The following CSMD1 variants were observed in gnomAD, a reference collection of about 807,000 sequenced individuals.
CSMD1 encodes CUB and Sushi multiple domains 1.
A neutral mutation model predicts 417.5 loss-of-function variants in CSMD1; 213 were observed. The observed-to-expected ratio is 0.51, with a 90% CI of 0.46 to 0.57. The LOEUF (loss-of-function observed/expected upper bound fraction) is 0.57. Ranked by LOEUF, CSMD1 falls within the 20% of genes least tolerant of loss-of-function variation. The pLI is 0.00. For missense variants in CSMD1, 6,923 were observed against 4,529.7 expected (o/e 1.53, Z -15.17); for synonymous variants, 2,862 against 1,736.8 (o/e 1.65, Z -16.11).
intron 2 of CSMD1, among the ~76,000 whole-genome samples, chr8:4,437,181 C>G (rs1259289758): frequency 1.3e-5 from 2 of 152,126 alleles, no homozygotes; most frequent in Non-Finnish European, 2.9e-5. Context: ...CAAAGCAAAA[C>G]TTTGTTGTCT....
At chr8:4,949,771 G>C (rs560911594) in intron 1 of CSMD1, among the ~76,000 whole-genome samples, 38 of 152,260 alleles carry the variant, frequency 2.5e-4, no homozygotes, top group African/African-American at 7.0e-4. Context: ...TTGATATGAA[G>C]TTTCTGTGGC....
intron 1 of CSMD1, among the ~76,000 whole-genome samples, chr8:4,948,145 G>C (rs1472275071): frequency 6.6e-6 from 1 of 151,774 alleles, no homozygotes; most frequent in Non-Finnish European, 1.5e-5. Flanking sequence ...TATCATCATG[G>C]TACAAAGTTT....
At chr8:4,013,462 A>T (rs1796375807) in intron 4 of CSMD1, among the ~76,000 whole-genome samples, 1 of 152,118 alleles carries the variant, frequency 6.6e-6, no homozygotes, top group Non-Finnish European at 1.5e-5. Context: ...GGTTTCCAGG[A>T]CATGGGATCT....
chr8:2,942,578 AAG>A lies in CSMD1; in HGVS notation c.10427_10428del (p.Ser3476PhefsTer50). 6.3e-7 allele frequency: 1 copy of A among 1,599,686 alleles called. No individual in the cohort carries two copies. Among genetic ancestry groups the A allele is most frequent in the Non-Finnish European group, 8.5e-7 (1 of 1,172,240 alleles). ...CTGCTGGTGCCGTGGTAATGACTGGAAGAGTCTTGATCTGGGTTTAAAGGATC... is the reference window on the plus strand; with the variant it reads ...CTGCTGGTGCCGTGGTAATGACTGGAAGTCTTGATCTGGGTTTAAAGGATC... ...RQDPLNPDQD[S>X]SSHYHGTSSG... On this transcript the variant is annotated frameshift_variant, in exon 69 of 70. Transcript: ENST00000635120. LOFTEE classifies it high-confidence loss of function.
At chr8:3,556,245 T>C (rs1799134911) in intron 10 of CSMD1, among the ~76,000 whole-genome samples, 1 of 151,456 alleles carries the variant, frequency 6.6e-6, no homozygotes, top group Non-Finnish European at 1.5e-5. Flanking sequence ...CCTTTCCATG[T>C]TTTTTGGTAC....
intron 3 of CSMD1, among the ~76,000 whole-genome samples, chr8:4,168,583 T>C (rs1329559906): frequency 2.6e-5 from 4 of 152,016 alleles, no homozygotes; most frequent in African/African-American, 4.8e-5. Context: ...TAGACGGGCT[T>C]TGCAGGGACA....
chr8:4,827,233 G>T (rs1004106539), intron 1 of CSMD1, among the ~76,000 whole-genome samples: 1 of 152,016 alleles, frequency 6.6e-6, no homozygotes, highest in African/African-American at 2.4e-5. Context: ...TTTTTCACAG[G>T]TATTTTTGTA....
chr8:4,523,716 A>G (rs974832655), intron 2 of CSMD1, among the ~76,000 whole-genome samples: 1 of 152,200 alleles, frequency 6.6e-6, no homozygotes, highest in Non-Finnish European at 1.5e-5. Context: ...CCTCCTGTTC[A>G]CACCTCATGG....
At chr8:3,301,871 G>C (rs932365311) in intron 25 of CSMD1, among the ~76,000 whole-genome samples, 2 of 152,170 alleles carry the variant, frequency 1.3e-5, no homozygotes, top group African/African-American at 4.8e-5. Flanking sequence ...ATTCATAATG[G>C]TGGATAAGAA....
chr8:3,281,145 A>G (rs1277940224), intron 26 of CSMD1, among the ~76,000 whole-genome samples: 2 of 152,162 alleles, frequency 1.3e-5, no homozygotes, highest in Non-Finnish European at 2.9e-5. Flanking sequence ...TCCTTCAATA[A>G]GAAAATGGGT....
rs906425465 is a variant in CSMD1 at position 3,926,488 on chromosome 8, T to G, written c.818+71415A>C. On this transcript the variant is annotated intron_variant, in intron 5 of 69. Transcript: ENST00000635120. Reference sequence around the variant, plus strand: ...GAATACATGTGTTGCATTTCATTAGTATTTTAATACTAAATTCTTTATTAT... The same window carrying G: ...GAATACATGTGTTGCATTTCATTAGGATTTTAATACTAAATTCTTTATTAT... Among the ~76,000 whole-genome samples the G allele has an allele frequency of 1.1e-4, 16 of 152,086 alleles. No individual in the cohort carries two copies. In the South Asian group the frequency reaches 3.3e-3, roughly 32 times the overall value.
chr8:3,788,245 C>A (rs1422666231), intron 5 of CSMD1, among the ~76,000 whole-genome samples: 2 of 152,184 alleles, frequency 1.3e-5, no homozygotes, highest in African/African-American at 4.8e-5. Flanking sequence ...TGCATTTAAA[C>A]AAGATGGAGC....
At chr8:3,793,167 C>A (rs572090810) in intron 5 of CSMD1, among the ~76,000 whole-genome samples, 1 of 152,270 alleles carries the variant, frequency 6.6e-6, no homozygotes, top group Admixed American at 6.5e-5. Context: ...TGCAGAGGGG[C>A]TGATGGATTT....
intron 5 of CSMD1, among the ~76,000 whole-genome samples, chr8:3,784,188 G>C (rs919793280): frequency 2.6e-5 from 4 of 152,140 alleles, no homozygotes; most frequent in Admixed American, 2.6e-4. Flanking sequence ...GTCACACCTT[G>C]GGAAAGGGGT....
chr8:3,961,969 A>G (rs1812359283), intron 5 of CSMD1, among the ~76,000 whole-genome samples: 1 of 152,204 alleles, frequency 6.6e-6, no homozygotes, highest in Non-Finnish European at 1.5e-5. Context: ...AAGGAAAAGC[A>G]ATGCAGCAAA....
chr8:4,453,624 T>C (rs1022203807), intron 2 of CSMD1, among the ~76,000 whole-genome samples: 4 of 151,892 alleles, frequency 2.6e-5, no homozygotes, highest in East Asian at 1.9e-4. Flanking sequence ...TGCTGAGAAA[T>C]GTATAGAACT....
chr8:3,807,554 T>C (rs1327430602), intron 5 of CSMD1, among the ~76,000 whole-genome samples: 1 of 152,198 alleles, frequency 6.6e-6, no homozygotes, highest in African/African-American at 2.4e-5. Flanking sequence ...AATTAGTTAA[T>C]TGCACATTTT....
At chr8:4,335,739 C>G (rs117246185) in intron 3 of CSMD1, among the ~76,000 whole-genome samples, 3,201 of 152,102 alleles carry the variant, frequency 0.021, 59 homozygotes, top group Middle Eastern at 0.11. Flanking sequence ...CTTAATAGGG[C>G]TCACGGCAAC....
chr8:3,296,783 A>T (rs544942836), intron 25 of CSMD1, among the ~76,000 whole-genome samples: 1 of 152,148 alleles, frequency 6.6e-6, no homozygotes, highest in African/African-American at 2.4e-5. Context: ...TGGAGTTGTC[A>T]TCCAGTGAAC....
Sources: allele counts gnomAD v4.1 joint callset (sites outside exome capture counted in the v4.1 genomes callset), GRCh38; gene constraint gnomAD v4.1.1; transcripts MANE v1.5; gene names NCBI Gene and HGNC (gene_info 2026-07-23, HGNC 2026-07-21).